ST13: variants seen among roughly 807,000 people sequenced by gnomAD.
The protein encoded by ST13 is hsc70-interacting protein.
In ST13, 23 loss-of-function variants were observed where a neutral mutation model predicts 56.7. The ratio of observed to expected loss-of-function variants is 0.41; its 90% CI spans 0.29 to 0.57. The LOEUF is 0.57. ST13 is among the 20% of genes least tolerant of loss of function. The pLI is 0.36. For missense variants in ST13, 369 were observed against 459.9 expected (o/e 0.80, Z 1.81); for synonymous variants, 132 against 142.4 (o/e 0.93, Z 0.52).
chr22:40,826,432 C>T lies in ST13; in HGVS notation c.*106G>A. On this transcript the variant is annotated 3_prime_UTR_variant, in exon 12 of 12. Transcript: ENST00000216218. ...GGATTATCTTCAAAGCACCCCAGCT[C>T]TCTTGATGAGAAGGTCAGAGGTACA... The T allele has an allele frequency of 8.2e-7, 1 of 1,214,386 alleles. No homozygotes were observed. Among genetic ancestry groups the T allele is most frequent in the Admixed American group, 2.2e-5 (1 of 46,000 alleles). 75.2% of individuals were successfully genotyped at this position (1,214,386 alleles called of 1,614,324 possible). A position where few individuals can be genotyped will look rare whatever the true frequency, so the allele number is the denominator to read the frequency against.
At chr22:40,846,226 G>A (rs902963238) in intron 3 of ST13, among the ~76,000 whole-genome samples, 3 of 152,088 alleles carry the variant, frequency 2.0e-5, no homozygotes, top group South Asian at 2.1e-4. Flanking sequence ...GTGAGTCACC[G>A]TGCCTGACCT....
At chr22:40,830,733 T>G (rs765539574) in intron 9 of ST13, 107 bp downstream of exon 9, 15 of 658,574 alleles carry the variant, frequency 2.3e-5, no homozygotes, top group Middle Eastern at 4.3e-4. Context: ...TCTATAGAAC[T>G]GTAGCCAGCA....
intron 7 of ST13, among the ~76,000 whole-genome samples, 153 bp from the exon 8 acceptor site, chr22:40,832,824 C>A (rs2057760190): frequency 6.6e-6 from 1 of 152,228 alleles, no homozygotes; most frequent in African/African-American, 2.4e-5. Flanking sequence ...ATTACTATAT[C>A]CCATTTTAGT....
chr22:40,845,053 C>T, intron 3 of ST13, 144 bp from the exon 4 acceptor site: 1 of 596,254 alleles, frequency 1.7e-6, no homozygotes, highest in Non-Finnish European at 2.9e-6. Context: ...TCCCATTAAA[C>T]ATTTCGTTAC....
intron 11 of ST13, 142 bp downstream of exon 11, chr22:40,826,950 AAAAT>A (rs2057731373): frequency 3.0e-6 from 3 of 1,008,974 alleles, no homozygotes; most frequent in African/African-American, 1.6e-5. Flanking sequence ...CTGCATAAAG[AAAAT>A]AAATGTCACT....
chr22:40,850,173 G>A (rs745332566), intron 2 of ST13, among the ~76,000 whole-genome samples: 3 of 152,208 alleles, frequency 2.0e-5, no homozygotes, highest in Non-Finnish European at 4.4e-5. Flanking sequence ...CAGGAGAATC[G>A]CTTGAAGCCA....
intron 5 of ST13, 116 bp downstream of exon 5, chr22:40,840,510 A>G: frequency 4.9e-6 from 4 of 821,522 alleles, no homozygotes; most frequent in Non-Finnish European, 7.8e-6. Context: ...ATAATAGGAC[A>G]CTATCTTCTC....
At position 40,848,318 on chromosome 22, in the gene ST13, G is replaced by A; in HGVS notation, c.220C>T (p.Pro74Ser). The change falls in exon 3 of 12, where the codon CCA becomes TCA. Residue 74 changes from proline (P) to serine (S), a missense_variant. By Grantham distance (74) the Pro-to-Ser change is moderately conservative (BLOSUM62 -1). This residue lies in a region of ST13 where 169 missense variants were observed against 175.6 expected (regional missense o/e 0.96). Coordinates refer to ENST00000216218, the MANE Select transcript of ST13 (RefSeq NM_003932.5). The stretch of plus-strand genomic sequence containing the variant: ...CCTAGATCACTTTCCTCACTTGATG[G>A]TTCGTCTGCCTTTAAGTCTTCCTCC... ...KVEEDLKADEPSSEESDLEID... is the reference protein window; with the variant it reads ...KVEEDLKADESSSEESDLEID... 1 of 1,613,434 alleles carries A rather than the reference G, an allele frequency of 6.2e-7. No homozygotes were observed. Among genetic ancestry groups the A allele is most frequent in the East Asian group, 2.2e-5 (1 of 44,876 alleles).
intron 4 of ST13, among the ~76,000 whole-genome samples, 158 bp from the exon 5 acceptor site, chr22:40,840,850 G>A (rs1302591087): frequency 3.3e-5 from 5 of 152,260 alleles, no homozygotes; most frequent in African/African-American, 9.6e-5. Flanking sequence ...ACTCATTAGT[G>A]AGAAATTACA....
At chr22:40,842,019 A>G (rs8137854) in intron 4 of ST13, among the ~76,000 whole-genome samples, 2 of 152,264 alleles carry the variant, frequency 1.3e-5, no homozygotes, top group Middle Eastern at 3.2e-3. Flanking sequence ...AATACCGGCA[A>G]GCATAATGGT....
At chr22:40,846,453 T>A (rs535257248) in intron 3 of ST13, among the ~76,000 whole-genome samples, 1 of 152,326 alleles carries the variant, frequency 6.6e-6, no homozygotes, top group African/African-American at 2.4e-5. Context: ...TCAAAGTTTA[T>A]GCCCTTTAAC....
At chr22:40,839,574 G>C (rs921630516) in intron 5 of ST13, among the ~76,000 whole-genome samples, 14 of 151,602 alleles carry the variant, frequency 9.2e-5, no homozygotes, top group African/African-American at 3.4e-4. Flanking sequence ...AGACCAGCCT[G>C]GCCAACATAG....
Position 40,840,937 on chromosome 22 carries a change from C to G in ST13, c.316-245G>C, listed in dbSNP as rs575581166. Among the ~76,000 whole-genome samples, 103 of 152,122 alleles carry G rather than the reference C, an allele frequency of 6.8e-4. No individual in the cohort carries two copies. The Middle Eastern group carries it at 0.014, about 20-fold the overall frequency. On this transcript the variant is annotated intron_variant, in intron 4 of 11. Coordinates refer to ENST00000216218, the MANE Select transcript of ST13 (RefSeq NM_003932.5). ...GAGACATAACCTTTGCTTAACCTTC[C>G]GTCCCAACCAAAGCATACCAGCTCC...
At chr22:40,841,033 T>A (rs954083296) in intron 4 of ST13, among the ~76,000 whole-genome samples, 6 of 152,060 alleles carry the variant, frequency 3.9e-5, no homozygotes, top group African/African-American at 1.4e-4. Flanking sequence ...TAGGTTTAAA[T>A]CCTCAGAAGA....
chr22:40,853,940 TGAAAA>T (rs1393592269), intron 1 of ST13, among the ~76,000 whole-genome samples: 4 of 152,334 alleles, frequency 2.6e-5, no homozygotes, highest in African/African-American at 7.2e-5. Context: ...ACACAGTTCT[TGAAAA>T]GAACAGTCTC....
At chr22:40,830,511 T>C (rs569910310) in intron 9 of ST13, among the ~76,000 whole-genome samples, 82 of 152,302 alleles carry the variant, frequency 5.4e-4, no homozygotes, top group Non-Finnish European at 9.6e-4. Flanking sequence ...GGAGGAATCA[T>C]AAATTTAATT....
rs181245349 is a variant in ST13, at chr22:40,847,453, G to A, written c.244+841C>T. ...AGTCCCAGCTACTAGGGAGGCTGAG[G>A]CATGAGAATTGATTGAACCTGGGAG... On this transcript the variant is annotated intron_variant, in intron 3 of 11. Transcript: ENST00000216218. Among the ~76,000 whole-genome samples the A allele has an allele frequency of 1.4e-3, 207 of 151,874 alleles. 2 individuals are homozygous for A. The highest frequency in any genetic ancestry group is 7.4e-4 in the Non-Finnish European group (50 of 67,954).
intron 4 of ST13, among the ~76,000 whole-genome samples, chr22:40,842,483 G>A (rs1455449332): frequency 6.6e-6 from 1 of 152,206 alleles, no homozygotes; most frequent in Non-Finnish European, 1.5e-5. Flanking sequence ...AAGATTTGAA[G>A]TACCAAAATG....
intron 8 of ST13, chr22:40,832,208 T>A: frequency 2.1e-6 from 1 of 473,274 alleles, no homozygotes; most frequent in Non-Finnish European, 4.4e-6. Context: ...ATAAAGTGGT[T>A]GTACACACCT....
Sources: gnomAD v4.1 joint callset for allele counts (sites outside exome capture counted in the v4.1 genomes callset) on GRCh38, gnomAD v4.1.1 for gene constraint, gnomAD v4.1.1 regional missense constraint, MANE v1.5 for transcripts, NCBI Gene and HGNC (gene_info 2026-07-23, HGNC 2026-07-21) for gene names.